The following CFAP47 variants were observed in gnomAD, a reference collection of about 807,000 sequenced individuals.
CFAP47 encodes the protein cilia and flagella associated protein 47, also known as cilia- and flagella-associated protein 47.
In CFAP47, 29 loss-of-function variants were observed where a neutral mutation model predicts 148.1. The ratio of observed to expected loss-of-function variants is 0.20; its 90% confidence interval spans 0.15 to 0.27. CFAP47 has a LOEUF of 0.27. Ranked by LOEUF, CFAP47 falls within the 10% of genes least tolerant of loss-of-function variation. The pLI is 1.00. For synonymous variants in CFAP47, 664 were observed against 577.3 expected (o/e 1.15, Z -2.15); for missense variants, 1,872 against 1,697.5 (o/e 1.10, Z -1.81).
chrX:35,983,253 CATT>C (rs1267470880), intron 15 of CFAP47, among the ~76,000 whole-genome samples: 2 of 111,349 alleles, frequency 1.8e-5, no homozygotes, highest in Admixed American at 1.9e-4. Context: ...TCAGCTTAGA[CATT>C]GTTGTTGTAT....
chrX:36,295,620 C>G (rs1941235154), intron 51 of CFAP47, among the ~76,000 whole-genome samples: 1 of 112,010 alleles, frequency 8.9e-6, no homozygotes, highest in Non-Finnish European at 1.9e-5. Flanking sequence ...TAAGTTTCTT[C>G]TCTTTAACTT....
chrX:35,991,306 C>T (rs1936786850), intron 16 of CFAP47, among the ~76,000 whole-genome samples: 2 of 110,359 alleles, frequency 1.8e-5, no homozygotes, highest in South Asian at 7.6e-4. Context: ...ACTAGTAGAC[C>T]ATAGTGGAAA....
chrX:36,115,396 C>T (rs1175461093), intron 33 of CFAP47, among the ~76,000 whole-genome samples: 2 of 111,952 alleles, frequency 1.8e-5, no homozygotes, highest in African/African-American at 6.5e-5. Flanking sequence ...AAATAAACAT[C>T]TGTAGAGAGT....
At chrX:36,070,735 G>T (rs767461662) in intron 27 of CFAP47, among the ~76,000 whole-genome samples, 110 of 110,668 alleles carry the variant, frequency 9.9e-4, no homozygotes, top group African/African-American at 3.5e-3. Context: ...CAGGTGATCC[G>T]CCCGCCTTGG....
chrX:36,341,976 G>A (rs1347198719), intron 57 of CFAP47, among the ~76,000 whole-genome samples: 1 of 110,523 alleles, frequency 9.0e-6, no homozygotes, highest in African/African-American at 3.3e-5. Flanking sequence ...AAATTATATA[G>A]TGACTGTATG....
At chrX:36,156,471 A>G (rs745829739) in intron 37 of CFAP47, among the ~76,000 whole-genome samples, 21 of 111,354 alleles carry the variant, frequency 1.9e-4, no homozygotes, top group Non-Finnish European at 3.2e-4. Flanking sequence ...GACTGTCATA[A>G]AAGTGAAAGT....
intron 7 of CFAP47, 41 bp from the exon 8 acceptor site, chrX:35,955,920 C>T (rs1314329099): frequency 8.4e-7 from 1 of 1,197,100 alleles, no homozygotes; most frequent in Non-Finnish European, 1.1e-6. Context: ...CTGGATTCCC[C>T]AAACACTTTT....
chrX:35,944,665 G>A (rs1047504526), intron 3 of CFAP47, among the ~76,000 whole-genome samples: 2 of 111,862 alleles, frequency 1.8e-5, no homozygotes, highest in African/African-American at 6.5e-5. Flanking sequence ...TGATCTTACA[G>A]ATACTCTGAG....
chrX:36,358,033 A>C (rs16987477), intron 60 of CFAP47, among the ~76,000 whole-genome samples: 5,675 of 111,473 alleles, frequency 0.051, 367 homozygotes, highest in African/African-American at 0.18. Flanking sequence ...TGTAATCACA[A>C]ACAGCTCCTG....
chrX:36,316,428 A>C (rs144840665), intron 56 of CFAP47, among the ~76,000 whole-genome samples: 695 of 112,214 alleles, frequency 6.2e-3, no homozygotes, highest in African/African-American at 0.021. Context: ...TTATCAAAGG[A>C]TTTCTTATTA....
At chrX:36,233,178 T>G (rs1412089114) in intron 46 of CFAP47, among the ~76,000 whole-genome samples, 1 of 111,383 alleles carries the variant, frequency 9.0e-6, no homozygotes, top group African/African-American at 3.3e-5. Flanking sequence ...CTTGTTAATC[T>G]TCTGTCTCGT....
At chrX:36,241,343 A>G (rs1218693873) in intron 48 of CFAP47, among the ~76,000 whole-genome samples, 3 of 111,659 alleles carry the variant, frequency 2.7e-5, no homozygotes, top group Non-Finnish European at 5.7e-5. Context: ...AGGGATCCCC[A>G]TCTCCCTTCT....
Position 36,149,174 on chromosome X carries a change from G to C in CFAP47, c.5737G>C (p.Ala1913Pro). Residue 1913 changes from alanine to proline, a missense_variant, in exon 37 of 64, where the codon GCT (alanine) becomes CCT (proline). By Grantham distance (27) the Ala-to-Pro change is conservative (BLOSUM62 -1). Coordinates refer to ENST00000378653, the MANE Select transcript of CFAP47 (RefSeq NM_001304548.2). Reference protein sequence around the residue: ...YNARIVGRDAADFSLSQKGNV... With the variant: ...YNARIVGRDAPDFSLSQKGNV... ...TGCTAGAATTGTTGGAAGAGATGCTGCTGACTTCTCCCTTTCCCAAAAAGG... is the reference window on the plus strand; with the variant it reads ...TGCTAGAATTGTTGGAAGAGATGCTCCTGACTTCTCCCTTTCCCAAAAAGG... 3 of 296,612 alleles carry C rather than the reference G, an allele frequency of 1.0e-5. No individual in the cohort carries two copies. In the East Asian group the frequency reaches 1.4e-4, roughly 14 times the overall value. The allele number at this position is 296,612 out of a possible 1,213,427, so 24.4% of individuals were successfully genotyped here.
intron 26 of CFAP47, among the ~76,000 whole-genome samples, chrX:36,057,541 A>T (rs1428231841): frequency 8.9e-6 from 1 of 112,078 alleles, no homozygotes; most frequent in Admixed American, 9.5e-5. Context: ...TGTTTTGTGT[A>T]ATGGAATATT....
chrX:36,141,457 A>AT (rs748353834), intron 35 of CFAP47, among the ~76,000 whole-genome samples: 1 of 111,385 alleles, frequency 9.0e-6, no homozygotes, highest in South Asian at 3.8e-4. Context: ...AGCTGATTGG[A>AT]TGGTGTCTGT....
In CFAP47 at chrX:35,951,168, A is replaced by G. The variant is rs1936158023; in HGVS notation, c.694A>G (p.Ile232Val). The change falls in exon 5 of 64, where the codon ATC becomes GTC. Residue 232 changes from isoleucine to valine, a missense_variant. Physicochemically the swap from Ile to Val is conservative, Grantham distance 29 (BLOSUM62 3). Coordinates refer to ENST00000378653, the MANE Select transcript of CFAP47 (RefSeq NM_001304548.2). ...AGGTCAACCTGAGATGCTCTTGAGT[A>G]TCAAAGCTCATGTGGTTGAGCAGAT... ...LQGQPEMLLS[I>V]KAHVVEQIIE... is the part of the protein sequence containing the mutation. The G allele has an allele frequency of 8.3e-7, 1 of 1,211,317 alleles. No homozygotes were observed. The highest frequency in any genetic ancestry group is 1.1e-6 in the Non-Finnish European group (1 of 894,966).
chrX:36,374,452 G>A (rs6629080), intron 62 of CFAP47, among the ~76,000 whole-genome samples: 10,114 of 109,687 alleles, frequency 0.092, 372 homozygotes, highest in East Asian at 0.23. Context: ...TCTCACTCAT[G>A]GTTTGTCAAT....
chrX:35,922,240 G>T (rs1282875273), intron 1 of CFAP47, among the ~76,000 whole-genome samples: 4 of 111,811 alleles, frequency 3.6e-5, no homozygotes, highest in Middle Eastern at 4.6e-3. Flanking sequence ...TAAGGTCAAT[G>T]TGAGTTCTCA....
At chrX:36,361,129 T>G (rs1556019154) in intron 60 of CFAP47, among the ~76,000 whole-genome samples, 3 of 111,581 alleles carry the variant, frequency 2.7e-5, no homozygotes, top group African/African-American at 9.7e-5. Context: ...CATTCATTTA[T>G]TTATTAACTT....
Sources: allele counts gnomAD v4.1 joint callset (sites outside exome capture counted in the v4.1 genomes callset), GRCh38; gene constraint gnomAD v4.1.1; transcripts MANE v1.5; gene names NCBI Gene and HGNC (gene_info 2026-07-23, HGNC 2026-07-21).